The following HDAC9 variants were observed in gnomAD, a reference collection of about 807,000 sequenced individuals.
HDAC9 encodes MEF-2 interacting transcription repressor (MITR) protein.
HDAC9 carries 41 observed loss-of-function variants against 139.4 expected under a neutral mutation model. That is an observed-to-expected ratio of 0.29 (90% CI 0.23 to 0.38). The LOEUF (loss-of-function observed/expected upper bound fraction) is 0.38, where lower values mean the gene tolerates loss of function less well. Among genes scored for constraint, HDAC9 ranks in the 10% least tolerant of loss-of-function variants. The pLI is 1.00. For missense variants in HDAC9, 1,147 were observed against 1,297.0 expected (o/e 0.88, Z 1.78); for synonymous variants, 517 against 476.2 (o/e 1.09, Z -1.12).
rs117770907 is a variant in HDAC9, at chr7:18,558,398, A to G, written c.23-26883A>G. On this transcript the variant is annotated intron_variant, in intron 2 of 25. Coordinates refer to ENST00000686413, the MANE Select transcript of HDAC9 (RefSeq NM_178425.4). The stretch of plus-strand genomic sequence containing the variant: ...GCTATCTCAAGGTCTTTGTTCTGCC[A>G]AGGTCATCTAAAAGCTACACAGCAG... 6.8e-3 allele frequency among the ~76,000 whole-genome samples: 1,031 copies of G among 152,262 alleles called. 6 individuals are homozygous for G. The highest frequency in any genetic ancestry group is 0.012 in the Admixed American group (180 of 15,270).
At chr7:18,565,960 C>T (rs548240796) in intron 2 of HDAC9, among the ~76,000 whole-genome samples, 1 of 151,874 alleles carries the variant, frequency 6.6e-6, no homozygotes, top group East Asian at 1.9e-4. Flanking sequence ...GAATAACCAT[C>T]ACATTTCATA....
intron 1 of HDAC9, among the ~76,000 whole-genome samples, chr7:18,348,341 T>A (rs1021215483): frequency 1.2e-4 from 18 of 152,170 alleles, no homozygotes; most frequent in African/African-American, 4.3e-4. Flanking sequence ...ATGGACCAGA[T>A]TTGAGCACAC....
rs769755176 is a variant in HDAC9, at chr7:18,590,331, G to T, written c.265-5G>T. ...CACACTCTCATGTCTTTCTCTTCTCGCAAGTTGCAACAGGAACTTCTAGCC... is the reference window on the plus strand; with the variant it reads ...CACACTCTCATGTCTTTCTCTTCTCTCAAGTTGCAACAGGAACTTCTAGCC... On this transcript the variant is annotated splice_region_variant and splice_polypyrimidine_tract_variant and intron_variant, in intron 3 of 25. Transcript: ENST00000686413. 1.2e-6 allele frequency: 2 copies of T among 1,611,716 alleles called. No individual in the cohort carries two copies. The highest frequency in any genetic ancestry group is 1.3e-5 in the African/African-American group (1 of 74,804).
chr7:18,303,411 GTGTGTGTGTGTGTT>G (rs1277880626), intron 1 of HDAC9, among the ~76,000 whole-genome samples: 2,951 of 138,312 alleles, frequency 0.021, 107 homozygotes, highest in African/African-American at 0.083. Context: ...GTGTGTGTGT[GTGTGTGTGTGTGTT>G]TTTAGTAGAG....
intron 22 of HDAC9, among the ~76,000 whole-genome samples, chr7:18,915,309 AG>A (rs1803087572): frequency 6.6e-6 from 1 of 152,066 alleles, no homozygotes; most frequent in African/African-American, 2.4e-5. Context: ...GGTTACTTTA[AG>A]AGCTAAACCC....
intron 12 of HDAC9, among the ~76,000 whole-genome samples, chr7:18,719,426 A>G (rs1784971535): frequency 7.4e-6 from 1 of 134,472 alleles, no homozygotes; most frequent in South Asian, 2.2e-4. Context: ...TGCAACCTCC[A>G]TTTCCTGGGT....
At chr7:18,972,377 T>C in intron 24 of HDAC9, among the ~76,000 whole-genome samples, 1 of 47,860 alleles carries the variant, frequency 2.1e-5, no homozygotes, top group Admixed American at 1.9e-4. Flanking sequence ...CTCTTTTTTT[T>C]TTTTTTTTTT....
At chr7:18,722,716 GATT>G (rs1167378547) in intron 12 of HDAC9, among the ~76,000 whole-genome samples, 4 of 152,140 alleles carry the variant, frequency 2.6e-5, no homozygotes, top group Non-Finnish European at 5.9e-5. Flanking sequence ...TGGTTTACTG[GATT>G]ATTATAACTC....
intron 17 of HDAC9, among the ~76,000 whole-genome samples, chr7:18,798,694 T>A (rs943966100): frequency 6.6e-6 from 1 of 152,200 alleles, no homozygotes; most frequent in African/African-American, 2.4e-5. Context: ...AAAGCCTTTT[T>A]CTTAGAAGTA....
At chr7:18,811,714 C>G (rs1794185789) in intron 17 of HDAC9, among the ~76,000 whole-genome samples, 1 of 151,658 alleles carries the variant, frequency 6.6e-6, no homozygotes. Context: ...TAGATTCTCA[C>G]ATTTAATTAT....
chr7:18,687,633 T>C (rs1180888140), intron 12 of HDAC9, among the ~76,000 whole-genome samples: 1 of 151,834 alleles, frequency 6.6e-6, no homozygotes, highest in Non-Finnish European at 1.5e-5. Flanking sequence ...TGGAATAAAT[T>C]ATTTCAACAT....
At chr7:18,424,918 A>G (rs968851690) in intron 1 of HDAC9, among the ~76,000 whole-genome samples, 2 of 152,164 alleles carry the variant, frequency 1.3e-5, no homozygotes, top group African/African-American at 4.8e-5. Flanking sequence ...AATAATAATA[A>G]TTAAAATAAT....
At chr7:18,283,987 C>G (rs910811259) in intron 2 of HDAC9, among the ~76,000 whole-genome samples, 1 of 152,154 alleles carries the variant, frequency 6.6e-6, no homozygotes, top group Non-Finnish European at 1.5e-5. Flanking sequence ...GGAAGTTAAA[C>G]CAATGTGTTT....
chr7:18,456,805 T>C (rs1193024098), intron 1 of HDAC9, among the ~76,000 whole-genome samples: 1 of 152,196 alleles, frequency 6.6e-6, no homozygotes, highest in African/African-American at 2.4e-5. Flanking sequence ...CAAATTGTTT[T>C]TTATTTTCTA....
At chr7:18,898,883 C>A (rs1469535115) in intron 22 of HDAC9, among the ~76,000 whole-genome samples, 4 of 151,848 alleles carry the variant, frequency 2.6e-5, no homozygotes, top group Non-Finnish European at 4.4e-5. Flanking sequence ...AAATCACTTA[C>A]ACAATATGCT....
intron 1 of HDAC9, among the ~76,000 whole-genome samples, chr7:18,106,754 C>T (rs1783234548): frequency 6.6e-6 from 1 of 152,124 alleles, no homozygotes; most frequent in South Asian, 2.1e-4. Context: ...GTGGCTGGCC[C>T]TGTGTACACA....
intron 2 of HDAC9, among the ~76,000 whole-genome samples, chr7:18,195,138 A>G (rs959055706): frequency 2.6e-5 from 4 of 152,172 alleles, no homozygotes; most frequent in Admixed American, 2.0e-4. Flanking sequence ...ACAATTCTAA[A>G]TGGATTGCTC....
chr7:18,713,672 A>G (rs1192292781), intron 12 of HDAC9, among the ~76,000 whole-genome samples: 1 of 152,094 alleles, frequency 6.6e-6, no homozygotes, highest in Non-Finnish European at 1.5e-5. Context: ...TAATAAAAAT[A>G]TATGTAAGAA....
intron 2 of HDAC9, among the ~76,000 whole-genome samples, chr7:18,231,845 A>G (rs551446954): frequency 6.6e-6 from 1 of 152,336 alleles, no homozygotes; most frequent in South Asian, 2.1e-4. Flanking sequence ...ATTTGAGTGT[A>G]ATTTTCTCTA....
Sources: gnomAD v4.1 joint callset for allele counts (sites outside exome capture counted in the v4.1 genomes callset) on GRCh38, gnomAD v4.1.1 for gene constraint, MANE v1.5 for transcripts, NCBI Gene and HGNC (gene_info 2026-07-23, HGNC 2026-07-21) for gene names.